SUPT16H: variants seen among roughly 807,000 people sequenced by gnomAD.
The protein encoded by SUPT16H is SPT16 homolog, facilitates chromatin remodeling subunit.
Under a neutral mutation model 136.2 loss-of-function variants are expected in SUPT16H, and 24 were observed. The observed-to-expected ratio is 0.18, with a 90% CI of 0.13 to 0.25. SUPT16H has a LOEUF of 0.25. SUPT16H is among the 10% of genes least tolerant of loss of function. The pLI, the probability that SUPT16H is intolerant of heterozygous loss-of-function variation, is 1.00. For missense variants in SUPT16H, 623 were observed against 1,270.2 expected, an observed-to-expected ratio of 0.49 and a Z score of 7.74; for synonymous variants, 415 against 428.2, an observed-to-expected ratio of 0.97 and a Z score of 0.38.
intron 1 of SUPT16H, among the ~76,000 whole-genome samples, chr14:21,382,672 T>C (rs1193349174): frequency 2.1e-5 from 1 of 47,482 alleles, no homozygotes; most frequent in East Asian, 8.4e-4. Flanking sequence ...GTTTGAATAA[T>C]ATGACACTGA....
At chr14:21,366,263 G>A (rs927208646) in intron 8 of SUPT16H, among the ~76,000 whole-genome samples, 176 bp downstream of exon 8, 1 of 152,156 alleles carries the variant, frequency 6.6e-6, no homozygotes, top group Non-Finnish European at 1.5e-5. Context: ...TTATACACTT[G>A]GGAGAACTTA....
intron 7 of SUPT16H, among the ~76,000 whole-genome samples, chr14:21,366,747 T>C (rs1166483386): frequency 2.0e-5 from 3 of 151,438 alleles, no homozygotes; most frequent in African/African-American, 4.8e-5. Flanking sequence ...CCTCCCAGAC[T>C]CAATGATCCT....
intron 1 of SUPT16H, among the ~76,000 whole-genome samples, chr14:21,378,250 G>A (rs1484824998): frequency 6.6e-6 from 1 of 152,010 alleles, no homozygotes; most frequent in African/African-American, 2.4e-5. Context: ...ATAAAAGACT[G>A]GTAACATTAT....
chr14:21,381,907 A>C (rs1487724054), intron 1 of SUPT16H, among the ~76,000 whole-genome samples: 1 of 150,594 alleles, frequency 6.6e-6, no homozygotes, highest in Non-Finnish European at 1.5e-5. Context: ...TGGAATTTTT[A>C]CCATTAACTT....
rs764130081 is a variant in SUPT16H, at chr14:21,358,440, A to C, written c.2302-13T>G. 1 of 1,576,358 alleles carries C rather than the reference A, an allele frequency of 6.3e-7. No homozygotes were observed. Among genetic ancestry groups the C allele is most frequent in the South Asian group, 1.1e-5 (1 of 89,292 alleles). On this transcript the variant is annotated splice_polypyrimidine_tract_variant and intron_variant, in intron 19 of 25. Transcript: ENST00000216297. ...TTTCTCGTTCCATCTGTAGAAGAAA[A>C]AAATATCAAATACAGCCATCACATT...
At chr14:21,373,102 T>C (rs958742860) in intron 2 of SUPT16H, among the ~76,000 whole-genome samples, 1 of 152,060 alleles carries the variant, frequency 6.6e-6, no homozygotes, top group African/African-American at 2.4e-5. Flanking sequence ...CACCCCCACA[T>C]CTGCTTAATT....
rs372163438 is a variant in SUPT16H at position 21,373,320 on chromosome 14, T to C, written c.159+18A>G. 1,157 of 1,584,810 alleles carry C rather than the reference T, an allele frequency of 7.3e-4. 14 individuals carry two copies. The South Asian group carries it at 0.012, about 16-fold the overall frequency. Reference sequence around the variant, plus strand: ...ATCCAACAACTCTAAGAGCTAAAAATTGCTGTAAATCTCTCACCTGTAAGG... The same window carrying C: ...ATCCAACAACTCTAAGAGCTAAAAACTGCTGTAAATCTCTCACCTGTAAGG... On this transcript the variant is annotated intron_variant, in intron 2 of 25. Transcript: ENST00000216297.
At chr14:21,358,073 C>T (rs1217440799) in intron 20 of SUPT16H, 71 bp from the exon 21 acceptor site, 2 of 1,386,288 alleles carry the variant, frequency 1.4e-6, no homozygotes, top group Non-Finnish European at 2.0e-6. Context: ...AGACAAACTT[C>T]TTCCCTCTCC....
At chr14:21,358,588 G>A (rs1366002115) in intron 19 of SUPT16H, among the ~76,000 whole-genome samples, 161 bp from the exon 20 acceptor site, 2 of 152,198 alleles carry the variant, frequency 1.3e-5, no homozygotes, top group Non-Finnish European at 2.9e-5. Flanking sequence ...GTAAACGTGT[G>A]CCATGGTGGT....
At chr14:21,353,600 C>A in intron 24 of SUPT16H, 35 bp from the exon 25 acceptor site, 2 of 1,609,792 alleles carry the variant, frequency 1.2e-6, no homozygotes, top group Non-Finnish European at 1.7e-6. Flanking sequence ...AGTCATCATG[C>A]GGGAACAGAA....
At chr14:21,383,481 T>G (rs1594315034) in intron 1 of SUPT16H, 1 of 559,846 alleles carries the variant, frequency 1.8e-6, no homozygotes, top group Non-Finnish European at 3.2e-6. Flanking sequence ...GGACCAGGGG[T>G]GGAATATTGT....
chr14:21,367,272 TAGG>T (rs964777411), intron 7 of SUPT16H, among the ~76,000 whole-genome samples: 1 of 152,192 alleles, frequency 6.6e-6, no homozygotes, highest in East Asian at 1.9e-4. Context: ...ATCACTGATC[TAGG>T]AGGACAGTGG....
intron 19 of SUPT16H, among the ~76,000 whole-genome samples, chr14:21,358,660 CT>C: frequency 6.6e-6 from 1 of 152,214 alleles, no homozygotes; most frequent in East Asian, 1.9e-4. Flanking sequence ...AACTATAAAA[CT>C]AACATGTACA....
chr14:21,364,224 A>G (rs998112478), intron 10 of SUPT16H, among the ~76,000 whole-genome samples: 1 of 18,952 alleles, frequency 5.3e-5, no homozygotes, highest in Admixed American at 2.5e-4. Context: ...ATTATTAAAA[A>G]TCAGTTCGCT....
At chr14:21,371,112 A>C (rs1886776038) in intron 3 of SUPT16H, among the ~76,000 whole-genome samples, 1 of 151,468 alleles carries the variant, frequency 6.6e-6, no homozygotes, top group Non-Finnish European at 1.5e-5. Context: ...CCTGCGCTCA[A>C]GTGCTCGCCT....
chr14:21,354,270 G>T, intron 23 of SUPT16H, 141 bp downstream of exon 23: 1 of 984,062 alleles, frequency 1.0e-6, no homozygotes, highest in Non-Finnish European at 1.4e-6. Flanking sequence ...TTATCAATTT[G>T]AAGAAACAAT....
intron 23 of SUPT16H, 34 bp downstream of exon 23, chr14:21,354,377 T>C: frequency 1.2e-6 from 2 of 1,611,174 alleles, no homozygotes; most frequent in Non-Finnish European, 1.7e-6. Context: ...CGGGCAACAC[T>C]GTGTACCAGA....
intron 1 of SUPT16H, among the ~76,000 whole-genome samples, chr14:21,382,036 G>C (rs1348671230): frequency 6.6e-6 from 1 of 152,116 alleles, no homozygotes; most frequent in African/African-American, 2.4e-5. Context: ...AGGAGGATAA[G>C]CGACTAGATT....
At chr14:21,383,810 T>C (rs1887106713) in intron 1 of SUPT16H, 52 bp downstream of exon 1, 3 of 1,604,902 alleles carry the variant, frequency 1.9e-6, no homozygotes, top group South Asian at 2.2e-5. Context: ...AACAGGGTTA[T>C]TATGGGATGG....
Sources: allele counts gnomAD v4.1 joint callset (sites outside exome capture counted in the v4.1 genomes callset), GRCh38; gene constraint gnomAD v4.1.1; transcripts MANE v1.5; gene names NCBI Gene and HGNC (gene_info 2026-07-23, HGNC 2026-07-21).